QTGAL: variants seen among roughly 807,000 people sequenced by gnomAD.
QTGAL encodes BGnT-like protein 1.
At chr17:83,005,127 C>T in the QTGAL span, 1 of 1,607,198 alleles carries the variant, frequency 6.2e-7, no homozygotes, top group South Asian at 1.1e-5. The surrounding 1 kb of genome is among the most constrained non-coding windows in gnomAD (Gnocchi z 5.6). Flanking sequence ...GGGTTAGGAG[C>T]TGCTCCGGCG....
chr17:82,987,878 C>T, the QTGAL span, among the ~76,000 whole-genome samples: 124,242 of 152,096 alleles, frequency 0.82, 51,057 homozygotes, highest in African/African-American at 0.91. Flanking sequence ...GCCATTTTCA[C>T]GATATTGATT....
the QTGAL span, among the ~76,000 whole-genome samples, chr17:82,973,248 GACGAGTAGAC>G: frequency 6.6e-6 from 1 of 151,964 alleles, no homozygotes; most frequent in African/African-American, 2.4e-5. Flanking sequence ...TTAACAGGAG[GACGAGTAGAC>G]ACAAAGCAAA....
At chr17:82,942,676 G>A in the QTGAL span, 1 of 622,004 alleles carries the variant, frequency 1.6e-6, no homozygotes, top group East Asian at 2.7e-5. Context: ...GAACACAAAT[G>A]TGCTTCCTAT....
chr17:82,991,912 G>C, the QTGAL span, among the ~76,000 whole-genome samples: 2 of 152,132 alleles, frequency 1.3e-5, no homozygotes, highest in African/African-American at 4.8e-5. Context: ...AAATGCAGTT[G>C]ACATACTAAA....
At chr17:82,970,544 G>A in the QTGAL span, among the ~76,000 whole-genome samples, 4 of 90,740 alleles carry the variant, frequency 4.4e-5, no homozygotes, top group East Asian at 3.0e-4. Context: ...CGCGACCTCC[G>A]CACCCGGCGT....
At chr17:83,006,453 G>A in the QTGAL span, 6 of 984,632 alleles carry the variant, frequency 6.1e-6, no homozygotes, top group East Asian at 4.5e-4. This position sits in a 1 kb window ranked among gnomAD's most constrained non-coding sequence, Gnocchi z 5.8. Context: ...GAGACCCTCT[G>A]TGCCCTTCAC....
chr17:82,949,252 C>A, the QTGAL span: 2 of 152,208 alleles, frequency 1.3e-5, no homozygotes, highest in African/African-American at 4.8e-5. Flanking sequence ...TTATTCCACA[C>A]AGAGCCACTT....
chr17:83,012,269 C>T, the QTGAL span, among the ~76,000 whole-genome samples: 6 of 149,268 alleles, frequency 4.0e-5, no homozygotes, highest in East Asian at 2.0e-4. Context: ...TTTGAACACA[C>T]GCCACGAACT....
chr17:83,036,250 C>A, the QTGAL span, among the ~76,000 whole-genome samples: 1 of 152,248 alleles, frequency 6.6e-6, no homozygotes, highest in Non-Finnish European at 1.5e-5. Flanking sequence ...CTCTCCCAGG[C>A]TGCTAAGCAG....
the QTGAL span, among the ~76,000 whole-genome samples, chr17:82,968,909 G>A: frequency 3.9e-5 from 6 of 151,914 alleles, no homozygotes; most frequent in African/African-American, 1.2e-4. Context: ...TGAGGTGGGC[G>A]GATCACCTGA....
chr17:83,009,614 G>A, the QTGAL span, among the ~76,000 whole-genome samples: 26 of 152,280 alleles, frequency 1.7e-4, no homozygotes, highest in Non-Finnish European at 3.7e-4. Flanking sequence ...CACAGAGGCC[G>A]AGTCCTGAAG....
At chr17:83,025,712 G>A in the QTGAL span, among the ~76,000 whole-genome samples, 188 of 151,380 alleles carry the variant, frequency 1.2e-3, 1 homozygote, top group Middle Eastern at 6.8e-3. Flanking sequence ...TCAAGGCGGG[G>A]CTGAGGGTAT....
the QTGAL span, among the ~76,000 whole-genome samples, chr17:82,980,006 T>C: frequency 1.3e-5 from 2 of 150,958 alleles, no homozygotes; most frequent in African/African-American, 4.8e-5. Flanking sequence ...TGTAGAAACA[T>C]GTGGGCATTC....
At chr17:82,995,483 A>G in the QTGAL span, among the ~76,000 whole-genome samples, 1 of 151,920 alleles carries the variant, frequency 6.6e-6, no homozygotes, top group Non-Finnish European at 1.5e-5. Flanking sequence ...CCCGGGTTCA[A>G]GCAATTCTCC....
the QTGAL span, among the ~76,000 whole-genome samples, chr17:83,041,953 A>C: frequency 6.6e-6 from 1 of 152,278 alleles, no homozygotes; most frequent in Non-Finnish European, 1.5e-5. Context: ...ATGAAAGGGC[A>C]CTAAACAGGA....
At chr17:83,034,971 A>C in the QTGAL span, 5 of 1,325,044 alleles carry the variant, frequency 3.8e-6, no homozygotes, top group Non-Finnish European at 5.3e-6. Flanking sequence ...AAAATGTAAG[A>C]TCATTTAATT....
At chr17:83,013,941 G>A in the QTGAL span, among the ~76,000 whole-genome samples, 1 of 152,142 alleles carries the variant, frequency 6.6e-6, no homozygotes, top group African/African-American at 2.4e-5. Flanking sequence ...TGGGCCATGT[G>A]TCCCCACCAT....
chr17:83,026,860 A>G, the QTGAL span, among the ~76,000 whole-genome samples: 3 of 139,808 alleles, frequency 2.1e-5, no homozygotes, highest in Non-Finnish European at 3.1e-5. Flanking sequence ...ACAGACACAC[A>G]GAGCGGGGCA....
the QTGAL span, among the ~76,000 whole-genome samples, chr17:82,951,837 G>A: frequency 2.0e-5 from 3 of 152,072 alleles, no homozygotes; most frequent in Non-Finnish European, 4.4e-5. Context: ...GACAGCTGCT[G>A]TCAGAACATT....
Sources: gnomAD v4.1 joint callset for allele counts (sites outside exome capture counted in the v4.1 genomes callset) on GRCh38, gnomAD v4.1.1 for gene constraint, Gnocchi (gnomAD v3.1) non-coding constraint, MANE v1.5 for transcripts, NCBI Gene and HGNC (gene_info 2026-07-23, HGNC 2026-07-21) for gene names.